THOC2: variants seen among roughly 807,000 people sequenced by gnomAD.
The protein encoded by THOC2 is THO complex subunit 2.
THOC2 carries 10 observed loss-of-function variants against 128.4 expected under a neutral mutation model. The ratio of observed to expected loss-of-function variants is 0.08; its 90% CI spans 0.05 to 0.13. THOC2 has a LOEUF of 0.13. THOC2 is among the 10% of genes least tolerant of loss of function. The probability of loss-of-function intolerance (pLI) is 1.00; values close to 1 mark genes in which losing one functional copy is unlikely to be tolerated. For synonymous variants in THOC2, 393 were observed against 396.9 expected (o/e 0.99, Z 0.12); for missense variants, 535 against 1,155.7 (o/e 0.46, Z 7.79).
rs982350696 is a variant in THOC2 at position 123,634,129 on chromosome X, A to C, written c.2019-59T>G. 3 of 641,191 alleles carry C rather than the reference A, an allele frequency of 4.7e-6. No homozygotes were observed. In the African/African-American group the frequency reaches 6.7e-5, roughly 14 times the overall value. 52.8% of individuals were successfully genotyped at this position (641,191 alleles called of 1,213,427 possible). A position where few individuals can be genotyped will look rare whatever the true frequency, so the allele number is the denominator to read the frequency against. ...TAGAACTTCAAATATAAAAGTAACA[A>C]TGTATTGTAATTAATATACTGAGAA... On this transcript the variant is annotated intron_variant, in intron 19 of 38. Transcript: ENST00000245838.
intron 38 of THOC2, among the ~76,000 whole-genome samples, chrX:123,606,970 T>A (rs1349369994): frequency 2.7e-5 from 3 of 110,494 alleles, no homozygotes; most frequent in African/African-American, 9.9e-5. Context: ...GAACTCAACA[T>A]CCCTGAGTTG....
chrX:123,706,741 A>G (rs2050950584), intron 3 of THOC2, 117 bp downstream of exon 3: 1 of 333,130 alleles, frequency 3.0e-6, no homozygotes, highest in Non-Finnish European at 5.1e-6. Flanking sequence ...AAATTTTAAA[A>G]ATCCATCCAC....
chrX:123,607,329 G>A (rs755026571), intron 38 of THOC2, among the ~76,000 whole-genome samples: 1 of 111,263 alleles, frequency 9.0e-6, no homozygotes, highest in Non-Finnish European at 1.9e-5. Flanking sequence ...ATGCTGGAGT[G>A]CAGTGGCATA....
rs549251367 is a variant in THOC2, at chrX:123,647,986, C to G, written c.1387-2611G>C. 3.0e-4 allele frequency among the ~76,000 whole-genome samples: 33 copies of G among 111,040 alleles called. No individual in the cohort carries two copies. The South Asian group carries it at 9.7e-3, about 33-fold the overall frequency. ...ATGTAATCAGCCTAACTTCTATGAA[C>G]TCTCAGAAATCACGGGTTCGGTGGC... is the stretch of plus-strand genomic sequence containing the variant. On this transcript the variant is annotated intron_variant, in intron 12 of 38. Transcript: ENST00000245838.
chrX:123,638,898 T>A, intron 17 of THOC2, 36 bp downstream of exon 17: 2 of 815,190 alleles, frequency 2.5e-6, no homozygotes, highest in Non-Finnish European at 3.5e-6. Context: ...ATCTATTAAA[T>A]ATGAAATCTA....
Position 123,624,604 on chromosome X carries a change from C to A in THOC2, c.3123G>T (p.Arg1041Ser). Reference sequence around the variant, plus strand: ...CAGTCTCTAACATGCAGCAAAGAAACCTTCCGTATCGACTGGCTTCATTTT... The same window carrying A: ...CAGTCTCTAACATGCAGCAAAGAAAACTTCCGTATCGACTGGCTTCATTTT... Reference protein sequence around the residue: ...CTENEASRYGRFLCCMLETVT... With the variant: ...CTENEASRYGSFLCCMLETVT... The change falls in exon 26 of 39, where the codon AGG (arginine) becomes AGT (serine). Residue 1041 changes from arginine (R) to serine (S), a missense_variant. Coordinates refer to ENST00000245838, the MANE Select transcript of THOC2 (RefSeq NM_001081550.2). 1.7e-6 allele frequency: 2 copies of A among 1,209,528 alleles called. No individual in the cohort carries two copies. Among genetic ancestry groups the A allele is most frequent in the Non-Finnish European group, 2.2e-6 (2 of 893,820 alleles).
At chrX:123,715,115 CAA>C (rs1463199926) in intron 1 of THOC2, among the ~76,000 whole-genome samples, 1 of 104,852 alleles carries the variant, frequency 9.5e-6, no homozygotes, top group Non-Finnish European at 1.9e-5. Flanking sequence ...GACCTGAGCT[CAA>C]GTGATCCTCC....
chrX:123,647,600 C>G (rs1364938994), intron 12 of THOC2, among the ~76,000 whole-genome samples: 1 of 110,688 alleles, frequency 9.0e-6, no homozygotes, highest in Non-Finnish European at 1.9e-5. Context: ...CTTTGGGAAG[C>G]TGAGGCAGAC....
intron 10 of THOC2, 67 bp from the exon 11 acceptor site, chrX:123,667,345 A>G: frequency 2.5e-6 from 2 of 791,255 alleles, no homozygotes; most frequent in Non-Finnish European, 3.6e-6. Context: ...ATACTTTGTC[A>G]CTTAAAAAAC....
intron 19 of THOC2, among the ~76,000 whole-genome samples, chrX:123,634,512 A>C (rs2047600644): frequency 9.0e-6 from 1 of 111,640 alleles, no homozygotes; most frequent in African/African-American, 3.3e-5. Flanking sequence ...TGAATTTCCT[A>C]AGAGAGCTAT....
chrX:123,730,300 T>G (rs2052182197), intron 1 of THOC2, among the ~76,000 whole-genome samples: 3 of 110,357 alleles, frequency 2.7e-5, no homozygotes, highest in Admixed American at 9.6e-5. Context: ...CGCCTCAGCC[T>G]CCTGAGTAGC....
chrX:123,708,349 AAAT>A (rs1057044897), intron 2 of THOC2, among the ~76,000 whole-genome samples: 1 of 112,012 alleles, frequency 8.9e-6, no homozygotes, highest in Non-Finnish European at 1.9e-5. Flanking sequence ...TTGTGCTTTT[AAAT>A]AACAATATAA....
intron 2 of THOC2, among the ~76,000 whole-genome samples, chrX:123,711,599 C>T (rs2051195176): frequency 9.0e-6 from 1 of 110,567 alleles, no homozygotes; most frequent in Non-Finnish European, 1.9e-5. Flanking sequence ...GCCTGACCAA[C>T]ATGGTGAAAC....
chrX:123,621,654 A>C, intron 30 of THOC2, 67 bp from the exon 31 acceptor site: 3 of 837,501 alleles, frequency 3.6e-6, no homozygotes, highest in Non-Finnish European at 3.2e-6. Context: ...TATATGATAA[A>C]ATATATCATA....
chrX:123,674,697 T>A (rs1347833673), intron 8 of THOC2, among the ~76,000 whole-genome samples: 2 of 111,746 alleles, frequency 1.8e-5, no homozygotes, highest in African/African-American at 6.5e-5. Flanking sequence ...CCTTCTTTTT[T>A]CTGTTTAGTT....
At chrX:123,638,262 A>C in intron 17 of THOC2, 139 bp from the exon 18 acceptor site, 1 of 399,840 alleles carries the variant, frequency 2.5e-6, no homozygotes, top group Non-Finnish European at 4.3e-6. Context: ...GGATGTTGCT[A>C]AAACTAATTA....
chrX:123,612,041 G>A (rs1376106792), intron 36 of THOC2, among the ~76,000 whole-genome samples: 1 of 111,332 alleles, frequency 9.0e-6, no homozygotes, highest in Non-Finnish European at 1.9e-5. Flanking sequence ...TGACAAAGAT[G>A]TAGAGAAATC....
chrX:123,671,627 G>A (rs778126563), intron 9 of THOC2, 42 bp downstream of exon 9: 6 of 910,814 alleles, frequency 6.6e-6, no homozygotes, highest in Middle Eastern at 2.8e-4. Flanking sequence ...CCCTACCCTT[G>A]GGACAGACAA....
At chrX:123,709,346 C>A (rs1029481862) in intron 2 of THOC2, among the ~76,000 whole-genome samples, 1 of 111,200 alleles carries the variant, frequency 9.0e-6, no homozygotes, top group Non-Finnish European at 1.9e-5. Context: ...AATCCCAGCA[C>A]TTTGGGAGGC....
Sources: gnomAD v4.1 joint callset for allele counts (sites outside exome capture counted in the v4.1 genomes callset) on GRCh38, gnomAD v4.1.1 for gene constraint, MANE v1.5 for transcripts, NCBI Gene and HGNC (gene_info 2026-07-23, HGNC 2026-07-21) for gene names.